Variants in NIBAN1 observed in about 807,000 individuals in gnomAD.
The protein encoded by NIBAN1 is protein Niban 1.
In NIBAN1, 81 loss-of-function variants were observed where a neutral mutation model predicts 75.1. That is an observed-to-expected ratio of 1.08 (90% CI 0.90 to 1.30). The LOEUF (loss-of-function observed/expected upper bound fraction) is 1.30, where lower values mean the gene tolerates loss of function less well. Ranked by LOEUF, NIBAN1 falls within the 50% of genes most tolerant of loss-of-function variation. NIBAN1 has a pLI of 0.00. For synonymous variants in NIBAN1, 436 were observed against 424.8 expected (o/e 1.03, Z -0.32); for missense variants, 1,133 against 1,128.1 (o/e 1.00, Z -0.06).
intron 1 of NIBAN1, among the ~76,000 whole-genome samples, chr1:184,930,804 T>C (rs992612879): frequency 2.0e-5 from 3 of 152,170 alleles, no homozygotes; most frequent in Non-Finnish European, 2.9e-5. Context: ...GATAAGATGA[T>C]TGTGGTCACC....
At position 184,871,861 on chromosome 1, in the gene NIBAN1, T is replaced by C. The variant is rs935770795; in HGVS notation, c.601+12772A>G. Among the ~76,000 whole-genome samples the C allele has an allele frequency of 2.6e-5, 4 of 152,170 alleles. No individual in the cohort carries two copies. The South Asian group carries it at 6.2e-4, about 24-fold the overall frequency. ...TGAGTGAAAGAGATAAATATTTCTC[T>C]TGAGAAATCATAATCAGAAGGATGT... On this transcript the variant is annotated intron_variant, in intron 5 of 13. Transcript: ENST00000367511.
intron 5 of NIBAN1, among the ~76,000 whole-genome samples, chr1:184,835,363 T>C (rs1202700510): frequency 6.6e-6 from 1 of 152,266 alleles, no homozygotes; most frequent in African/African-American, 2.4e-5. Context: ...AAAGTAGTTT[T>C]TTTCCAATTC....
Position 184,805,957 on chromosome 1 carries a change from G to A in NIBAN1, c.1435C>T (p.Arg479Ter), listed in dbSNP as rs1654184326. Residue 479 changes from arginine to a stop codon, truncating the protein, a stop_gained, in exon 11 of 14, where the codon CGA becomes TGA. Coordinates refer to ENST00000367511, the MANE Select transcript of NIBAN1 (RefSeq NM_052966.4). LOFTEE classifies it high-confidence loss of function. ...GAGAACGGTTTTACCTTTAAGACTC[G>A]GAGTTTAACCTTCTCAATGGCAACT... The part of the protein sequence containing the change: ...TAVAIEKVKL[R>*]VLKQYDYDSS... 8 of 1,613,430 alleles carry A rather than the reference G, an allele frequency of 5.0e-6. No homozygotes were observed. The highest frequency in any genetic ancestry group is 2.2e-5 in the East Asian group (1 of 44,886).
At chr1:184,931,721 C>T (rs1452695645) in intron 1 of NIBAN1, among the ~76,000 whole-genome samples, 2 of 152,128 alleles carry the variant, frequency 1.3e-5, no homozygotes, top group Non-Finnish European at 2.9e-5. Flanking sequence ...CTATCTTATG[C>T]CAAGCCATAC....
At chr1:184,963,812 ATACAG>A (rs1218666818) in intron 1 of NIBAN1, among the ~76,000 whole-genome samples, 20 of 152,224 alleles carry the variant, frequency 1.3e-4, no homozygotes, top group African/African-American at 4.8e-4. Context: ...ACTCAATATC[ATACAG>A]ATGTCACTTC....
intron 12 of NIBAN1, among the ~76,000 whole-genome samples, chr1:184,799,610 A>C (rs1653974735): frequency 7.2e-6 from 1 of 139,600 alleles, no homozygotes; most frequent in African/African-American, 2.7e-5. Flanking sequence ...TCCCTGAGGA[A>C]TCGCCACACT....
chr1:184,815,352 T>A (rs985201809), intron 9 of NIBAN1, among the ~76,000 whole-genome samples: 6 of 152,170 alleles, frequency 3.9e-5, no homozygotes, highest in South Asian at 2.1e-4. Context: ...CCCTCCACAC[T>A]ACAGCAAAAC....
chr1:184,880,687 T>C (rs561512294), intron 5 of NIBAN1, among the ~76,000 whole-genome samples: 2 of 152,370 alleles, frequency 1.3e-5, no homozygotes, highest in Middle Eastern at 3.4e-3. Context: ...ATGATCATTA[T>C]TCCATATCGC....
At chr1:184,862,787 A>G (rs234642) in intron 5 of NIBAN1, among the ~76,000 whole-genome samples, 11,106 of 152,132 alleles carry the variant, frequency 0.073, 485 homozygotes, top group African/African-American at 0.12. Context: ...GGAAAATATC[A>G]GAATATTGAT....
intron 5 of NIBAN1, among the ~76,000 whole-genome samples, chr1:184,863,719 G>T (rs957756299): frequency 6.6e-6 from 1 of 152,110 alleles, no homozygotes; most frequent in Middle Eastern, 3.2e-3. Context: ...CTGGTTGCCA[G>T]ACCTCTTACT....
At chr1:184,888,562 A>G (rs1343307096) in intron 4 of NIBAN1, among the ~76,000 whole-genome samples, 1 of 152,218 alleles carries the variant, frequency 6.6e-6, no homozygotes, top group Non-Finnish European at 1.5e-5. Flanking sequence ...ACTGTAGAAT[A>G]TTCTATTTTA....
At chr1:184,880,909 C>G (rs1557898560) in intron 5 of NIBAN1, among the ~76,000 whole-genome samples, 1 of 152,160 alleles carries the variant, frequency 6.6e-6, no homozygotes, top group Non-Finnish European at 1.5e-5. Context: ...CAGTGTGACT[C>G]CAAAAGGGAC....
At chr1:184,873,648 TCTTTCCTTTGTTGAGCCA>T (rs1427137486) in intron 5 of NIBAN1, among the ~76,000 whole-genome samples, 2 of 152,224 alleles carry the variant, frequency 1.3e-5, no homozygotes, top group African/African-American at 4.8e-5. Flanking sequence ...AACTCAAATC[TCTTTCCTTTGTTGAGCCA>T]CTTCTCCACA....
chr1:184,898,245 C>T (rs535081661), intron 2 of NIBAN1, among the ~76,000 whole-genome samples: 1 of 152,314 alleles, frequency 6.6e-6, no homozygotes, highest in East Asian at 1.9e-4. Flanking sequence ...AATATTCACA[C>T]AGCCTACTCT....
intron 5 of NIBAN1, among the ~76,000 whole-genome samples, chr1:184,865,511 TG>T (rs1571530098): frequency 6.6e-6 from 1 of 152,078 alleles, no homozygotes; most frequent in African/African-American, 2.4e-5. Context: ...GCTCAGTACT[TG>T]GGTAACGAGA....
rs747683734 is a variant in NIBAN1 at position 184,795,573 on chromosome 1, C to T, written c.2191G>A (p.Glu731Lys). 1 of 1,614,188 alleles carries T rather than the reference C, an allele frequency of 6.2e-7. No homozygotes were observed. The highest frequency in any genetic ancestry group is 8.5e-7 in the Non-Finnish European group (1 of 1,180,046). Reference protein sequence around the residue: ...EVPVDSAPVMEEDTNGESHVP... With the variant: ...EVPVDSAPVMKEDTNGESHVP... ...TGGCTCTCCCCATTCGTATCTTCTT[C>T]CATCACTGGAGCAGAGTCCACTGGT... The change falls in exon 14 of 14, where the codon GAA becomes AAA. Residue 731 changes from glutamate to lysine, a missense_variant. By Grantham distance (56) the Glu-to-Lys change is moderately conservative. Coordinates refer to ENST00000367511, the MANE Select transcript of NIBAN1 (RefSeq NM_052966.4).
At chr1:184,882,324 C>T (rs80110672) in intron 5 of NIBAN1, among the ~76,000 whole-genome samples, 1 of 152,056 alleles carries the variant, frequency 6.6e-6, no homozygotes. Context: ...GAAAATGTGA[C>T]ACAATAAAGA....
intron 1 of NIBAN1, among the ~76,000 whole-genome samples, chr1:184,954,631 G>GA (rs1658437394): frequency 6.6e-6 from 1 of 152,082 alleles, no homozygotes; most frequent in Non-Finnish European, 1.5e-5. Flanking sequence ...CATCAGATTG[G>GA]AAAAAAGGCT....
At chr1:184,855,913 T>C (rs1300059715) in intron 5 of NIBAN1, among the ~76,000 whole-genome samples, 2 of 152,192 alleles carry the variant, frequency 1.3e-5, no homozygotes, top group East Asian at 1.9e-4. Context: ...TCTAGACCCA[T>C]GTTTCTAGCC....
Sources: allele counts gnomAD v4.1 joint callset (sites outside exome capture counted in the v4.1 genomes callset), GRCh38; gene constraint gnomAD v4.1.1; transcripts MANE v1.5; gene names NCBI Gene and HGNC (gene_info 2026-07-23, HGNC 2026-07-21).